The following CCNE2 variants were observed in gnomAD, a reference collection of about 807,000 sequenced individuals.
CCNE2 encodes the protein G1/S-specific cyclin-E2.
CCNE2 carries 18 observed loss-of-function variants against 56.8 expected under a neutral mutation model. That is an observed-to-expected ratio of 0.32 (90% CI 0.22 to 0.47). The LOEUF is 0.47. Ranked by LOEUF, CCNE2 falls within the 20% of genes least tolerant of loss-of-function variation. The pLI is 1.00. For missense variants in CCNE2, 371 were observed against 467.1 expected (o/e 0.79, Z 1.90); for synonymous variants, 139 against 149.2 (o/e 0.93, Z 0.50).
intron 8 of CCNE2, 27 bp from the exon 9 acceptor site, chr8:94,885,228 G>T: frequency 6.2e-7 from 1 of 1,605,258 alleles, no homozygotes; most frequent in Non-Finnish European, 8.5e-7. Flanking sequence ...AAAAATGCCT[G>T]TTAATGAATG....
chr8:94,889,049 G>A lies in CCNE2; in HGVS notation c.454-976C>T, dbSNP rs141005958. 1.5e-4 allele frequency among the ~76,000 whole-genome samples: 23 copies of A among 152,110 alleles called. No individual in the cohort carries two copies. The East Asian group carries it at 4.3e-3, about 28-fold the overall frequency. On this transcript the variant is annotated intron_variant, in intron 6 of 11. Transcript: ENST00000308108. Reference sequence around the variant, plus strand: ...TGTAATCCCAGCTATGTGGGTGGCTGAGACAAGAGAGTCGCTTGAACGCGA... The same window carrying A: ...TGTAATCCCAGCTATGTGGGTGGCTAAGACAAGAGAGTCGCTTGAACGCGA...
At position 94,895,190 on chromosome 8, in the gene CCNE2, A is replaced by G. The variant is rs1817444878; in HGVS notation, c.-40T>C. The G allele has an allele frequency of 4.1e-6, 4 of 985,714 alleles. No homozygotes were observed. The East Asian group carries it at 3.4e-4, about 84-fold the overall frequency. 61.1% of individuals were successfully genotyped at this position (985,714 alleles called of 1,614,324 possible). ...GCAACTCCTCACCGCCAGACCAGCT[A>G]CCGCTCGGCTCAGCTGGCGCCGGCG... is the stretch of plus-strand genomic sequence containing the variant. On this transcript the variant is annotated 5_prime_UTR_variant, in exon 1 of 12. Coordinates refer to ENST00000308108, the MANE Select transcript of CCNE2 (RefSeq NM_057749.3).
intron 9 of CCNE2, chr8:94,884,759 C>T (rs769636568): frequency 4.6e-6 from 1 of 218,912 alleles, no homozygotes; most frequent in African/African-American, 2.3e-5. Context: ...CAGAATAATT[C>T]TATGCCATTA....
In CCNE2 at chr8:94,885,206, T is replaced by C; in HGVS notation, c.697-5A>G. 2 of 1,612,836 alleles carry C rather than the reference T, an allele frequency of 1.2e-6. No homozygotes were observed. Among genetic ancestry groups the C allele is most frequent in the Non-Finnish European group, 1.7e-6 (2 of 1,179,272 alleles). The stretch of plus-strand genomic sequence containing the variant: ...ACAAAGTTCCCATTTTAAAGCCTAT[T>C]AAACAAAATTTAAAAATGCCTGTTA... On this transcript the variant is annotated splice_region_variant and splice_polypyrimidine_tract_variant and intron_variant, in intron 8 of 11. Transcript: ENST00000308108.
intron 5 of CCNE2, chr8:94,891,090 A>C (rs1351689909): frequency 6.6e-6 from 1 of 152,250 alleles, no homozygotes; most frequent in Non-Finnish European, 1.5e-5. Context: ...AGCCTGAAGT[A>C]ACACAGTGGG....
intron 7 of CCNE2, 30 bp from the exon 8 acceptor site, chr8:94,885,588 A>C (rs764962884): frequency 1.5e-6 from 2 of 1,314,776 alleles, no homozygotes; most frequent in Non-Finnish European, 2.2e-6. Flanking sequence ...TATTGAGTAC[A>C]ATTGAGATAG....
At chr8:94,887,884 G>A (rs1450257348) in intron 7 of CCNE2, 43 bp downstream of exon 7, 2 of 1,401,176 alleles carry the variant, frequency 1.4e-6, no homozygotes, top group African/African-American at 3.0e-5. Flanking sequence ...TTAAAAAAAA[G>A]TTTGGGATAA....
intron 5 of CCNE2, 46 bp from the exon 6 acceptor site, chr8:94,890,596 T>A (rs763734721): frequency 0.07 from 24,742 of 353,152 alleles, 492 homozygotes; most frequent in African/African-American, 0.2. Context: ...TATATATTTT[T>A]TTTTTTTTTT....
chr8:94,883,452 CA>C (rs1213264711), intron 9 of CCNE2, among the ~76,000 whole-genome samples: 1 of 152,120 alleles, frequency 6.6e-6, no homozygotes, highest in Non-Finnish European at 1.5e-5. Context: ...GAGTAGGAGG[CA>C]GAGAATGTTC....
intron 7 of CCNE2, among the ~76,000 whole-genome samples, chr8:94,887,460 G>A (rs907657081): frequency 3.3e-5 from 5 of 151,978 alleles, no homozygotes; most frequent in African/African-American, 1.2e-4. Flanking sequence ...AGCCAAGATC[G>A]CGCCATTGCA....
At position 94,882,794 on chromosome 8, in the gene CCNE2, A is replaced by T; in HGVS notation, c.930T>A (p.Val310=). The T allele has an allele frequency of 6.2e-7, 1 of 1,612,198 alleles. No individual in the cohort carries two copies. The highest frequency in any genetic ancestry group is 8.5e-7 in the Non-Finnish European group (1 of 1,178,302). The change falls in exon 10 of 12, where the codon GTT becomes GTA. Residue 310 remains valine, a synonymous_variant. Coordinates refer to ENST00000308108, the MANE Select transcript of CCNE2 (RefSeq NM_057749.3). The stretch of plus-strand genomic sequence containing the variant: ...AGAGAGTCTTACCTGAGGCTTTCTT[A>T]ACCACTTCAATGGAGGTAAAATGGC... ...ALCHFTSIEV[V]KKASGLEWDS...
At chr8:94,896,553 C>A (rs113930555), upstream of CCNE2, 7,257 of 152,176 alleles carry the variant, frequency 0.048, 224 homozygotes, top group Non-Finnish European at 0.072. Flanking sequence ...GAACAAAGAT[C>A]CCCCGGGTGG....
Position 94,893,187 on chromosome 8 carries a change from C to A in CCNE2, c.166-218G>T, listed in dbSNP as rs185855972. On this transcript the variant is annotated intron_variant, in intron 4 of 11. Coordinates refer to ENST00000308108, the MANE Select transcript of CCNE2 (RefSeq NM_057749.3). ...ATAGGATGTTTTAGACAACAAAATG[C>A]AATTCTGGTAATAGAAGACACCAGG... Among the ~76,000 whole-genome samples the A allele has an allele frequency of 5.3e-4, 81 of 152,178 alleles. No individual in the cohort carries two copies. In the East Asian group the frequency reaches 0.015, roughly 28 times the overall value.
chr8:94,885,121 A>T lies in CCNE2; in HGVS notation c.777T>A (p.Ala259=), dbSNP rs897929148. ...AATACTGAGGTAGAAGAACTTTAGGAGCATCTTTAAGAGCATCAACTTGGA... is the reference window on the plus strand; with the variant it reads ...AATACTGAGGTAGAAGAACTTTAGGTGCATCTTTAAGAGCATCAACTTGGA... ...LFLQVDALKD[A]PKVLLPQYSQ... The change falls in exon 9 of 12, where the codon GCT becomes GCA. Residue 259 remains alanine (A), a synonymous_variant. Transcript: ENST00000308108. 1.2e-6 allele frequency: 2 copies of T among 1,613,056 alleles called. No homozygotes were observed. Among genetic ancestry groups the T allele is most frequent in the African/African-American group, 2.7e-5 (2 of 74,904 alleles).
chr8:94,889,144 G>A lies in CCNE2; in HGVS notation c.454-1071C>T, dbSNP rs1404172305. 7.4e-5 allele frequency among the ~76,000 whole-genome samples: 11 copies of A among 148,234 alleles called. No homozygotes were observed. The East Asian group carries it at 1.2e-3, about 16-fold the overall frequency. On this transcript the variant is annotated intron_variant, in intron 6 of 11. Coordinates refer to ENST00000308108, the MANE Select transcript of CCNE2 (RefSeq NM_057749.3). ...GCCTGGGTGACAACAGCGAGGCTCC[G>A]TCTCAAAAAAAAAAAAAAGAATGTC...
intron 7 of CCNE2, among the ~76,000 whole-genome samples, chr8:94,886,714 G>A (rs1817054323): frequency 6.6e-6 from 1 of 152,060 alleles, no homozygotes; most frequent in South Asian, 2.1e-4. Flanking sequence ...CAAAAGCAAA[G>A]CACCCAACAA....
chr8:94,895,462 G>C (rs531386993), upstream of CCNE2, among the ~76,000 whole-genome samples: 2 of 152,248 alleles, frequency 1.3e-5, no homozygotes, highest in East Asian at 3.9e-4. Flanking sequence ...CTCCTTCTCC[G>C]CGGCTGTTCT....
chr8:94,892,869 T>C lies in CCNE2; in HGVS notation c.266A>G (p.Asn89Ser). The change falls in exon 5 of 12, where the codon AAT becomes AGT. Residue 89 changes from asparagine (N) to serine (S), a missense_variant. Physicochemically the swap from Asn to Ser is conservative, Grantham distance 46. Coordinates refer to ENST00000308108, the MANE Select transcript of CCNE2 (RefSeq NM_057749.3). ...IGTSDFSRFTNYRFKNLFINP... is the reference protein window; with the variant it reads ...IGTSDFSRFTSYRFKNLFINP... ...AATAAAAAGATTTTTAAATCTGTAATTTGTAAATCTGGAGAAATCACTTGT... is the reference window on the plus strand; with the variant it reads ...AATAAAAAGATTTTTAAATCTGTAACTTGTAAATCTGGAGAAATCACTTGT... The C allele has an allele frequency of 6.6e-7, 1 of 1,508,226 alleles. No homozygotes were observed. The highest frequency in any genetic ancestry group is 1.7e-4 in the Middle Eastern group (1 of 5,836). 93.4% of individuals were successfully genotyped at this position (1,508,226 alleles called of 1,614,324 possible). A position where few individuals can be genotyped will look rare whatever the true frequency, so the allele number is the denominator to read the frequency against.
intron 6 of CCNE2, among the ~76,000 whole-genome samples, chr8:94,890,016 CTCA>C (rs1360884090): frequency 8.5e-5 from 13 of 152,156 alleles, no homozygotes; most frequent in Admixed American, 6.5e-4. Context: ...ATCAGGATTC[CTCA>C]TCATCATGAT....
Sources: allele counts gnomAD v4.1 joint callset (sites outside exome capture counted in the v4.1 genomes callset), GRCh38; gene constraint gnomAD v4.1.1; transcripts MANE v1.5; gene names NCBI Gene and HGNC (gene_info 2026-07-23, HGNC 2026-07-21).